ZNHIT6: variants seen among roughly 807,000 people sequenced by gnomAD.
ZNHIT6 encodes box C/D snoRNA protein 1.
ZNHIT6 carries 45 observed loss-of-function variants against 57.2 expected under a neutral mutation model. That is an observed-to-expected ratio of 0.79 (90% CI 0.62 to 1.01). The LOEUF (loss-of-function observed/expected upper bound fraction) is 1.01. ZNHIT6 is among the 50% of genes least tolerant of loss of function. ZNHIT6 has a pLI of 0.00. For synonymous variants in ZNHIT6, 188 were observed against 190.0 expected (o/e 0.99, Z 0.09); for missense variants, 528 against 567.3 (o/e 0.93, Z 0.70).
intron 8 of ZNHIT6, among the ~76,000 whole-genome samples, chr1:85,665,119 A>C (rs928594383): frequency 1.3e-5 from 2 of 151,480 alleles, no homozygotes; most frequent in African/African-American, 4.9e-5. Flanking sequence ...ACCAACATCC[A>C]AATGTCCTTT....
rs1570307099 is a variant in ZNHIT6 at position 85,678,705 on chromosome 1, G to T, written c.1165C>A (p.Gln389Lys). 6.3e-7 allele frequency: 1 copy of T among 1,576,138 alleles called. No individual in the cohort carries two copies. Among genetic ancestry groups the T allele is most frequent in the Non-Finnish European group, 8.6e-7 (1 of 1,159,026 alleles). ...DPEKSDPVIR[Q>K]RLKAYIRSQT... ...TACAATATTTTTGAAGCATACCTTT[G>T]ACGAATTACAGGATCAGACTTTTCA... Residue 389 changes from glutamine (Q) to lysine (K), a missense_variant, in exon 7 of 10, where the codon CAA becomes AAA. Coordinates refer to ENST00000370574, the MANE Select transcript of ZNHIT6 (RefSeq NM_017953.4).
intron 5 of ZNHIT6, among the ~76,000 whole-genome samples, chr1:85,695,062 A>G (rs1410272922): frequency 6.6e-6 from 1 of 152,070 alleles, no homozygotes; most frequent in Non-Finnish European, 1.5e-5. Flanking sequence ...TCAGGAGATC[A>G]AGACCACACT....
intron 5 of ZNHIT6, among the ~76,000 whole-genome samples, chr1:85,692,613 GACC>G (rs1162575360): frequency 6.6e-6 from 1 of 151,784 alleles, no homozygotes; most frequent in Non-Finnish European, 1.5e-5. Context: ...GTCTCCTCAT[GACC>G]ACAACTGCTA....
intron 5 of ZNHIT6, among the ~76,000 whole-genome samples, chr1:85,691,613 T>C (rs944177995): frequency 6.6e-6 from 1 of 152,238 alleles, no homozygotes; most frequent in African/African-American, 2.4e-5. Context: ...ATCTAACAGA[T>C]AGGCTGGGTA....
intron 8 of ZNHIT6, among the ~76,000 whole-genome samples, 188 bp from the exon 9 acceptor site, chr1:85,658,159 G>C (rs1324329382): frequency 6.6e-6 from 1 of 152,014 alleles, no homozygotes; most frequent in Non-Finnish European, 1.5e-5. Flanking sequence ...TATTATTATA[G>C]AGGTTCTAAA....
chr1:85,704,158 A>C (rs1193830628), intron 4 of ZNHIT6, among the ~76,000 whole-genome samples: 2 of 152,232 alleles, frequency 1.3e-5, no homozygotes, highest in Non-Finnish European at 2.9e-5. Flanking sequence ...AGGTACATTC[A>C]TACACTATTG....
Position 85,653,830 on chromosome 1 carries a change from T to G in ZNHIT6, c.*228A>C. The G allele has an allele frequency of 1.9e-6, 1 of 514,236 alleles. No homozygotes were observed. The highest frequency in any genetic ancestry group is 3.4e-6 in the Non-Finnish European group (1 of 293,830). 31.9% of individuals were successfully genotyped at this position (514,236 alleles called of 1,614,324 possible). On this transcript the variant is annotated 3_prime_UTR_variant, in exon 10 of 10. Coordinates refer to ENST00000370574, the MANE Select transcript of ZNHIT6 (RefSeq NM_017953.4). The stretch of plus-strand genomic sequence containing the variant: ...AAAAGCCAGGGCCTAATAAGTACTA[T>G]GCTGATCAAGTGCAAAGGAGAGTTC...
intron 5 of ZNHIT6, among the ~76,000 whole-genome samples, chr1:85,699,609 TTGA>T (rs1662471928): frequency 6.6e-6 from 1 of 152,142 alleles, no homozygotes; most frequent in African/African-American, 2.4e-5. Context: ...TCATACTTTC[TTGA>T]TGAAAGTACA....
chr1:85,657,522 C>T (rs1030647328), intron 9 of ZNHIT6, among the ~76,000 whole-genome samples: 8 of 146,898 alleles, frequency 5.4e-5, no homozygotes, highest in African/African-American at 2.0e-4. Flanking sequence ...AGTAAATGTA[C>T]GTGATCATGG....
intron 4 of ZNHIT6, among the ~76,000 whole-genome samples, chr1:85,703,419 A>G (rs939361052): frequency 1.3e-5 from 2 of 152,200 alleles, no homozygotes; most frequent in African/African-American, 4.8e-5. Flanking sequence ...TTCAGAGAGC[A>G]TAGTATTGGT....
intron 5 of ZNHIT6, among the ~76,000 whole-genome samples, chr1:85,693,101 G>C (rs539339134): frequency 6.6e-6 from 1 of 152,278 alleles, no homozygotes; most frequent in South Asian, 2.1e-4. Flanking sequence ...GTTAGTGGTA[G>C]AAGAATGGTA....
chr1:85,707,654 A>G lies in ZNHIT6; in HGVS notation c.631T>C (p.Cys211Arg). Residue 211 changes from cysteine to arginine, a missense_variant, in exon 1 of 10, where the codon TGC (cysteine) becomes CGC (arginine). Cys to Arg is a radical substitution (Grantham distance 180, BLOSUM62 -3). Coordinates refer to ENST00000370574, the MANE Select transcript of ZNHIT6 (RefSeq NM_017953.4). ...CTTGACATGGCCAGTTTCCGCTTGC[A>G]GCCCACCGGGTGATTTATCGGAGGC... ...EEPPINHPVG[C>R]KRKLAMSRCE... is the part of the protein sequence containing the mutation. 6.4e-7 allele frequency: 1 copy of G among 1,554,804 alleles called. No individual in the cohort carries two copies. The highest frequency in any genetic ancestry group is 1.3e-5 in the South Asian group (1 of 78,240).
intron 8 of ZNHIT6, among the ~76,000 whole-genome samples, chr1:85,669,027 T>A (rs1322779729): frequency 6.6e-6 from 1 of 152,150 alleles, no homozygotes; most frequent in Non-Finnish European, 1.5e-5. Flanking sequence ...TATGTAAGAT[T>A]TACTAAACCA....
intron 5 of ZNHIT6, among the ~76,000 whole-genome samples, chr1:85,691,939 C>T (rs970065794): frequency 5.9e-5 from 9 of 151,920 alleles, no homozygotes; most frequent in Non-Finnish European, 8.8e-5. Context: ...GAGGCCAAAG[C>T]GGGTGGATTA....
At chr1:85,684,966 C>G (rs1661984600) in intron 5 of ZNHIT6, among the ~76,000 whole-genome samples, 2 of 151,996 alleles carry the variant, frequency 1.3e-5, no homozygotes, top group Admixed American at 6.6e-5. Context: ...CATTAATAAC[C>G]AAAGAAATGT....
At chr1:85,693,468 G>A (rs1460536919) in intron 5 of ZNHIT6, among the ~76,000 whole-genome samples, 4 of 152,198 alleles carry the variant, frequency 2.6e-5, no homozygotes, top group Admixed American at 6.5e-5. Context: ...TTAGACAACT[G>A]AGGAGGGAAA....
chr1:85,687,409 C>T (rs1662094871), intron 5 of ZNHIT6, among the ~76,000 whole-genome samples: 2 of 150,784 alleles, frequency 1.3e-5, no homozygotes, highest in South Asian at 4.2e-4. Flanking sequence ...ACTCTATTCA[C>T]ATTAAACTTA....
At chr1:85,705,732 T>C (rs1325427022) in intron 4 of ZNHIT6, among the ~76,000 whole-genome samples, 1 of 152,172 alleles carries the variant, frequency 6.6e-6, no homozygotes, top group Non-Finnish European at 1.5e-5. Context: ...CATCATCTCT[T>C]TGAGAAGCTT....
chr1:85,660,325 A>G (rs1661190579), intron 8 of ZNHIT6, among the ~76,000 whole-genome samples: 1 of 152,196 alleles, frequency 6.6e-6, no homozygotes, highest in Admixed American at 6.5e-5. Flanking sequence ...CTAAATCATA[A>G]GGCTTCTAAT....
Sources: allele counts gnomAD v4.1 joint callset (sites outside exome capture counted in the v4.1 genomes callset), GRCh38; gene constraint gnomAD v4.1.1; transcripts MANE v1.5; gene names NCBI Gene and HGNC (gene_info 2026-07-23, HGNC 2026-07-21).